AGBL4: variants seen among roughly 807,000 people sequenced by gnomAD.
AGBL4 encodes the protein cytosolic carboxypeptidase 6.
Under a neutral mutation model 66.4 loss-of-function variants are expected in AGBL4, and 58 were observed. That is an observed-to-expected ratio of 0.87 (90% CI 0.71 to 1.09). The LOEUF is 1.09. Among genes scored for constraint, AGBL4 ranks in the 50% least tolerant of loss-of-function variants. AGBL4 has a pLI of 0.00. For synonymous variants in AGBL4, 234 were observed against 222.9 expected, an observed-to-expected ratio of 1.05 and a Z score of -0.44; for missense variants, 579 against 631.0, an observed-to-expected ratio of 0.92 and a Z score of 0.88.
intron 6 of AGBL4, chr1:48,761,027 C>A: frequency 4.3e-6 from 1 of 232,544 alleles, no homozygotes; most frequent in Non-Finnish European, 8.4e-6. Flanking sequence ...TGGAGCTTAG[C>A]AGTGACCTCT....
At chr1:49,920,314 G>A (rs1157304966) in intron 1 of AGBL4, among the ~76,000 whole-genome samples, 1 of 152,130 alleles carries the variant, frequency 6.6e-6, no homozygotes, top group Non-Finnish European at 1.5e-5. Flanking sequence ...CCTACAGAAT[G>A]GGAGAAAATT....
At chr1:49,166,883 AC>A (rs1338206582) in intron 4 of AGBL4, among the ~76,000 whole-genome samples, 1 of 152,094 alleles carries the variant, frequency 6.6e-6, no homozygotes, top group Non-Finnish European at 1.5e-5. Context: ...AATCCTCATG[AC>A]TTTTAACTTC....
At chr1:49,621,724 C>A (rs1645363243) in intron 3 of AGBL4, among the ~76,000 whole-genome samples, 1 of 152,042 alleles carries the variant, frequency 6.6e-6, no homozygotes, top group African/African-American at 2.4e-5. Flanking sequence ...GGCAGTTGCC[C>A]CCAGGTTTCT....
chr1:48,650,616 A>G (rs557427352), intron 8 of AGBL4, among the ~76,000 whole-genome samples: 16 of 152,316 alleles, frequency 1.1e-4, no homozygotes, highest in African/African-American at 3.4e-4. Context: ...TAACAAAGTT[A>G]AACAAAGTTC....
intron 2 of AGBL4, among the ~76,000 whole-genome samples, chr1:49,828,702 T>C (rs968441541): frequency 1.3e-5 from 2 of 152,082 alleles, no homozygotes; most frequent in Non-Finnish European, 2.9e-5. Flanking sequence ...AAGAATGAGA[T>C]GTGATTTGAA....
At chr1:49,374,141 T>C (rs1412147163) in intron 3 of AGBL4, 2 of 152,086 alleles carry the variant, frequency 1.3e-5, no homozygotes, top group East Asian at 3.8e-4. Flanking sequence ...TCCAGGGTAG[T>C]AGTGGGCCTG....
chr1:48,652,184 G>A (rs1185487980), intron 8 of AGBL4, among the ~76,000 whole-genome samples: 1 of 152,130 alleles, frequency 6.6e-6, no homozygotes, highest in African/African-American at 2.4e-5. Flanking sequence ...CTTGGGTGAT[G>A]GAGCAAGACC....
At chr1:48,754,525 G>A (rs1256106504) in intron 6 of AGBL4, among the ~76,000 whole-genome samples, 1 of 152,118 alleles carries the variant, frequency 6.6e-6, no homozygotes, top group Non-Finnish European at 1.5e-5. Context: ...ATGTCACCAT[G>A]CTTTTTGCAT....
intron 1 of AGBL4, among the ~76,000 whole-genome samples, chr1:49,986,630 TGA>T (rs1659526188): frequency 6.6e-6 from 1 of 152,076 alleles, no homozygotes; most frequent in African/African-American, 2.4e-5. Flanking sequence ...CAGCAGCATA[TGA>T]GAGTTTCCAG....
intron 6 of AGBL4, among the ~76,000 whole-genome samples, chr1:48,699,483 A>C (rs778922861): frequency 6.6e-6 from 1 of 152,168 alleles, no homozygotes; most frequent in Non-Finnish European, 1.5e-5. Flanking sequence ...CTGATGTTCA[A>C]CTACCAGCAT....
chr1:48,855,416 C>A (rs574137243), intron 6 of AGBL4, among the ~76,000 whole-genome samples: 41 of 152,362 alleles, frequency 2.7e-4, no homozygotes, highest in African/African-American at 8.4e-4. Context: ...TGCCTTTATG[C>A]ATTTCTCAAA....
At chr1:49,913,613 C>T (rs1651082636) in intron 1 of AGBL4, among the ~76,000 whole-genome samples, 1 of 152,232 alleles carries the variant, frequency 6.6e-6, no homozygotes, top group Admixed American at 6.5e-5. Flanking sequence ...GGCCCCATAC[C>T]ATGGTTTCAC....
rs549513787 is a variant in AGBL4, at chr1:49,071,206, A to T, written c.378-25406T>A. ...TTTCAAAAAATCAGCTCCTGGGTTC[A>T]TTGATTTTTTGAAGGGTTTTTTGTG... On this transcript the variant is annotated intron_variant, in intron 4 of 13. Transcript: ENST00000371839. Among the ~76,000 whole-genome samples the T allele has an allele frequency of 1.6e-3, 239 of 151,732 alleles. 6 individuals carry two copies. The highest frequency in any genetic ancestry group is 5.5e-3 in the African/African-American group (227 of 41,196).
chr1:49,906,837 T>C (rs1282405826), intron 1 of AGBL4, among the ~76,000 whole-genome samples: 3 of 152,020 alleles, frequency 2.0e-5, no homozygotes, highest in Non-Finnish European at 4.4e-5. Context: ...ACACAGGCAA[T>C]AGCAAAAAGA....
intron 1 of AGBL4, among the ~76,000 whole-genome samples, chr1:49,881,019 C>G (rs988471540): frequency 1.3e-5 from 2 of 152,116 alleles, no homozygotes; most frequent in Non-Finnish European, 2.9e-5. Context: ...TGCTTAGGCT[C>G]GCGCACAGTG....
At chr1:48,807,597 G>C (rs1346602181) in intron 6 of AGBL4, among the ~76,000 whole-genome samples, 5 of 152,198 alleles carry the variant, frequency 3.3e-5, no homozygotes, top group Admixed American at 2.6e-4. Flanking sequence ...TTCTCAGCGT[G>C]TGATCTGCTC....
At chr1:50,006,625 T>C (rs1661149902) in intron 1 of AGBL4, among the ~76,000 whole-genome samples, 2 of 151,340 alleles carry the variant, frequency 1.3e-5, no homozygotes, top group African/African-American at 4.9e-5. Flanking sequence ...AATGGAAACC[T>C]TACAGGCCAG....
At chr1:49,944,700 C>G (rs1354700610) in intron 1 of AGBL4, among the ~76,000 whole-genome samples, 1 of 151,424 alleles carries the variant, frequency 6.6e-6, no homozygotes. Flanking sequence ...TGGATCAAAA[C>G]AAAAAAGACA....
chr1:49,066,123 A>T (rs2147922437), intron 4 of AGBL4, among the ~76,000 whole-genome samples: 1 of 152,294 alleles, frequency 6.6e-6, no homozygotes, highest in East Asian at 1.9e-4. Context: ...ATGGAAGGAG[A>T]GAGGCCTTAA....
Sources: allele counts gnomAD v4.1 joint callset (sites outside exome capture counted in the v4.1 genomes callset), GRCh38; gene constraint gnomAD v4.1.1; transcripts MANE v1.5; gene names NCBI Gene and HGNC (gene_info 2026-07-23, HGNC 2026-07-21).